Variants in CILP observed in about 807,000 individuals in gnomAD.
CILP encodes cartilage intermediate layer protein 1.
CILP carries 75 observed loss-of-function variants against 82.5 expected under a neutral mutation model. That is an observed-to-expected ratio of 0.91 (90% CI 0.75 to 1.10). CILP has a LOEUF of 1.10. CILP is among the 50% of genes least tolerant of loss of function. CILP has a pLI of 0.00. For missense variants in CILP, 1,479 were observed against 1,530.8 expected (o/e 0.97, Z 0.56); for synonymous variants, 530 against 580.3 (o/e 0.91, Z 1.25).
chr15:65,204,639 C>G (rs769580534), intron 5 of CILP, 57 bp from the exon 6 acceptor site: 1 of 1,517,466 alleles, frequency 6.6e-7, no homozygotes, highest in Non-Finnish European at 8.8e-7. Flanking sequence ...ATTCCTTCAG[C>G]CACATCACAG....
rs771430155 is a variant in CILP, at chr15:65,198,651, C to T, written c.1635G>A (p.Leu545=). Residue 545 remains leucine (L), a synonymous_variant, in exon 9 of 9, where the codon CTG becomes CTA. Coordinates refer to ENST00000261883, the MANE Select transcript of CILP (RefSeq NM_003613.4). The part of the protein sequence containing the change: ...ERLVLTFVDR[L]QKFVNTTKVL... ...CTTTGGTGGTGTTGACAAACTTCTG[C>T]AGCCTGTCCACAAATGTGAGCACCA... is the stretch of plus-strand genomic sequence containing the variant. 2 of 1,614,248 alleles carry T rather than the reference C, an allele frequency of 1.2e-6. No homozygotes were observed. Among genetic ancestry groups the T allele is most frequent in the South Asian group, 2.2e-5 (2 of 91,078 alleles).
intron 7 of CILP, among the ~76,000 whole-genome samples, chr15:65,202,939 GA>G (rs2088476393): frequency 6.6e-6 from 1 of 150,586 alleles, no homozygotes; most frequent in South Asian, 2.1e-4. Flanking sequence ...GGACTCAAGC[GA>G]TCCTCCTACC....
intron 2 of CILP, among the ~76,000 whole-genome samples, chr15:65,209,019 T>C (rs1397866915): frequency 6.9e-6 from 1 of 144,914 alleles, no homozygotes; most frequent in African/African-American, 2.5e-5. Flanking sequence ...GAGCTTTTTT[T>C]TTTTTTTTTT....
At chr15:65,199,934 G>C (rs2088429509) in intron 8 of CILP, among the ~76,000 whole-genome samples, 1 of 152,166 alleles carries the variant, frequency 6.6e-6, no homozygotes, top group Non-Finnish European at 1.5e-5. Context: ...ACTTTGTTTA[G>C]CTCAGAACAA....
At chr15:65,201,289 G>A (rs373917712) in intron 8 of CILP, among the ~76,000 whole-genome samples, 8 of 151,986 alleles carry the variant, frequency 5.3e-5, no homozygotes, top group East Asian at 1.9e-4. Flanking sequence ...GGTGTGAGCC[G>A]CCACACCTGG....
Position 65,206,838 on chromosome 15 carries a change from TCC to T in CILP, c.366_367del (p.Glu123AlafsTer9). Reference sequence around the variant, plus strand: ...AGAGCAGTTCTGGCCAGGCCGCTGCTCCCTGTTGAGGCACCAGAAACCCTCAC... The same window carrying T: ...AGAGCAGTTCTGGCCAGGCCGCTGCTCTGTTGAGGCACCAGAAACCCTCAC... On this transcript the variant is annotated frameshift_variant, in exon 4 of 9. Coordinates refer to ENST00000261883, the MANE Select transcript of CILP (RefSeq NM_003613.4). LOFTEE classifies it high-confidence loss of function. 1.2e-6 allele frequency: 2 copies of T among 1,614,002 alleles called. No individual in the cohort carries two copies. The highest frequency in any genetic ancestry group is 1.7e-6 in the Non-Finnish European group (2 of 1,179,992).
rs768508244 is a variant in CILP at position 65,198,213 on chromosome 15, C to T, written c.2073G>A (p.Glu691=). The change falls in exon 9 of 9, where the codon GAG becomes GAA. Residue 691 remains glutamate (E), a synonymous_variant. Transcript: ENST00000261883. ...HLDSTQVKMP[E]HISTVKLWSL... ...ACCAGAGTTTCACTGTGGATATGTG[C>T]TCTGGCATCTTGACCTGGGTCGAGT... 5.0e-6 allele frequency: 8 copies of T among 1,614,246 alleles called. No homozygotes were observed. Among genetic ancestry groups the T allele is most frequent in the Non-Finnish European group, 5.9e-6 (7 of 1,180,046 alleles).
intron 7 of CILP, 137 bp downstream of exon 7, chr15:65,203,225 C>T (rs142885681): frequency 7.0e-5 from 42 of 603,388 alleles, no homozygotes; most frequent in Non-Finnish European, 1.1e-4. Context: ...TAAGTCCCAA[C>T]ATCCGGGCTC....
At position 65,204,480 on chromosome 15, in the gene CILP, G is replaced by C; in HGVS notation, c.707C>G (p.Ala236Gly). 1 of 1,613,956 alleles carries C rather than the reference G, an allele frequency of 6.2e-7. No individual in the cohort carries two copies. Among genetic ancestry groups the C allele is most frequent in the African/African-American group, 1.3e-5 (1 of 75,034 alleles). The change falls in exon 6 of 9, where the codon GCC becomes GGC. Residue 236 changes from alanine (A) to glycine (G), a missense_variant. Ala to Gly is a moderately conservative substitution (Grantham distance 60). Coordinates refer to ENST00000261883, the MANE Select transcript of CILP (RefSeq NM_003613.4). Reference protein sequence around the residue: ...LHGAVSLPGGAPASGAAIYLL... With the variant: ...LHGAVSLPGGGPASGAAIYLL... ...GTAGATAGCAGCCCCTGAGGCTGGG[G>C]CACCTCCGGGAAGGGAGACAGCCCC...
intron 4 of CILP, 110 bp from the exon 5 acceptor site, chr15:65,205,576 G>T: frequency 9.6e-7 from 1 of 1,039,458 alleles, no homozygotes; most frequent in Non-Finnish European, 1.4e-6. Flanking sequence ...TTCCATTTAT[G>T]TCGTAGATGT....
rs2088494624 is a variant in CILP, at chr15:65,204,420, GT to G, written c.766del (p.Thr256GlnfsTer20). 1 of 1,614,050 alleles carries G rather than the reference GT, an allele frequency of 6.2e-7. No individual in the cohort carries two copies. The highest frequency in any genetic ancestry group is 1.3e-5 in the African/African-American group (1 of 74,932). ...LTKTPKLLTQTDSDGRFRIPG... is the reference protein window; with the variant it reads ...LTKTPKLLTQXDSDGRFRIPG... ...GATTCGGAATCTCCCATCACTGTCT[GT>G]CTGGGTCAGCAGCTTCGGCGTCTTG... is the stretch of plus-strand genomic sequence containing the variant. On this transcript the variant is annotated frameshift_variant, in exon 6 of 9. Transcript: ENST00000261883. LOFTEE classifies it high-confidence loss of function.
rs755500249 is a variant in CILP at position 65,203,485 on chromosome 15, G to A, written c.920-15C>T. The stretch of plus-strand genomic sequence containing the variant: ...GTATGGAGTCTCTGGGACAGAAAAT[G>A]AGAAATAGCATTTTGGGTTTTTGTG... On this transcript the variant is annotated splice_polypyrimidine_tract_variant and intron_variant, in intron 6 of 8. Coordinates refer to ENST00000261883, the MANE Select transcript of CILP (RefSeq NM_003613.4). 11 of 1,602,340 alleles carry A rather than the reference G, an allele frequency of 6.9e-6. No homozygotes were observed. Among genetic ancestry groups the A allele is most frequent in the Non-Finnish European group, 8.5e-7 (1 of 1,171,200 alleles).
In CILP at chr15:65,197,306, G is replaced by A. The variant is rs750503262; in HGVS notation, c.2980C>T (p.Arg994Trp). The change falls in exon 9 of 9, where the codon CGG becomes TGG. Residue 994 changes from arginine (R) to tryptophan (W), a missense_variant. Coordinates refer to ENST00000261883, the MANE Select transcript of CILP (RefSeq NM_003613.4). ...LYGIRDVRST[R>W]DRDQPNVSAA... The stretch of plus-strand genomic sequence containing the variant: ...GAGACATTGGGCTGGTCCCTGTCCC[G>A]AGTGCTCCTCACATCTCGGATTCCA... The A allele has an allele frequency of 1.4e-5, 22 of 1,614,024 alleles. No homozygotes were observed. The highest frequency in any genetic ancestry group is 3.3e-5 in the South Asian group (3 of 91,032).
Position 65,207,109 on chromosome 15 carries a change from T to C in CILP, c.155-58A>G, listed in dbSNP as rs552875456. ...TGATCCTGGTGCGCTCCAGTTCTCC[T>C]TTCCCTCTCACCCACCCCCAGCTGG... On this transcript the variant is annotated intron_variant, in intron 3 of 8. Coordinates refer to ENST00000261883, the MANE Select transcript of CILP (RefSeq NM_003613.4). 5 of 1,562,448 alleles carry C rather than the reference T, an allele frequency of 3.2e-6. No individual in the cohort carries two copies. The East Asian group carries it at 1.1e-4, about 35-fold the overall frequency.
chr15:65,207,414 C>T (rs923260580), intron 3 of CILP, among the ~76,000 whole-genome samples: 1 of 152,298 alleles, frequency 6.6e-6, no homozygotes, highest in East Asian at 1.9e-4. Context: ...TCTCCATACT[C>T]ATCTCCCCAC....
At position 65,198,271 on chromosome 15, in the gene CILP, G is replaced by A. The variant is rs1025072981; in HGVS notation, c.2015C>T (p.Pro672Leu). The A allele has an allele frequency of 4.3e-6, 7 of 1,614,246 alleles. No individual in the cohort carries two copies. Among genetic ancestry groups the A allele is most frequent in the Non-Finnish European group, 5.9e-6 (7 of 1,180,046 alleles). ...VDFRDEVTSE[P>L]LNAGKVKVHL... ...GACCTTCACTTTGCCAGCATTAAGTGGCTCTGAGGTGACCTCATCTCTGAA... is the reference window on the plus strand; with the variant it reads ...GACCTTCACTTTGCCAGCATTAAGTAGCTCTGAGGTGACCTCATCTCTGAA... Residue 672 changes from proline (P) to leucine (L), a missense_variant, in exon 9 of 9, where the codon CCA becomes CTA. Transcript: ENST00000261883.
rs775572737 is a variant in CILP, at chr15:65,205,431, G to T, written c.460C>A (p.Pro154Thr). The T allele has an allele frequency of 6.2e-7, 1 of 1,613,200 alleles. No individual in the cohort carries two copies. The highest frequency in any genetic ancestry group is 2.2e-5 in the East Asian group (1 of 44,830). ...GAGCACTTGCTCCAGGGAGACCATG[G>T]GCTCCAGATGCGCTCTGTGTCTCGG... ...LRRDTERIWS[P>T]WSPWSKCSAA... Residue 154 changes from proline to threonine, a missense_variant, in exon 5 of 9, where the codon CCA becomes ACA. Coordinates refer to ENST00000261883, the MANE Select transcript of CILP (RefSeq NM_003613.4).
Position 65,197,114 on chromosome 15 carries a change from T to C in CILP, c.3172A>G (p.Thr1058Ala). ...GGTGCCAGCATGGTGTACTCACTGG[T>C]GTCGTTGTTGACTGCAAGTGGCAAG... ...NHLPLAVNND[T>A]SEYTMLAPLD... Residue 1058 changes from threonine (T) to alanine (A), a missense_variant, in exon 9 of 9, where the codon ACC (threonine) becomes GCC (alanine). By Grantham distance (58) the Thr-to-Ala change is moderately conservative. Transcript: ENST00000261883. 4 of 1,613,914 alleles carry C rather than the reference T, an allele frequency of 2.5e-6. No individual in the cohort carries two copies. Among genetic ancestry groups the C allele is most frequent in the Non-Finnish European group, 3.4e-6 (4 of 1,179,914 alleles).
At chr15:65,200,971 G>A (rs756625) in intron 8 of CILP, among the ~76,000 whole-genome samples, 33,356 of 151,886 alleles carry the variant, frequency 0.22, 4,072 homozygotes, top group African/African-American at 0.32. Flanking sequence ...ACAGCCCCTT[G>A]TCTCCTATTT....
Sources: gnomAD v4.1 joint callset for allele counts (sites outside exome capture counted in the v4.1 genomes callset) on GRCh38, gnomAD v4.1.1 for gene constraint, MANE v1.5 for transcripts, NCBI Gene and HGNC (gene_info 2026-07-23, HGNC 2026-07-21) for gene names.